Variants in LRRIQ1 observed in about 807,000 individuals in gnomAD.
LRRIQ1 encodes leucine rich repeats and IQ motif containing 1, also known as leucine-rich repeat- and IQ domain-containing protein 1.
In LRRIQ1, 210 loss-of-function variants were observed where a neutral mutation model predicts 211.9. The observed-to-expected ratio is 0.99, with a 90% confidence interval of 0.89 to 1.11. The LOEUF (loss-of-function observed/expected upper bound fraction) is 1.11. Among genes scored for constraint, LRRIQ1 ranks in the 50% most tolerant of loss-of-function variants. The pLI is 0.00. For missense variants in LRRIQ1, 2,136 were observed against 1,939.5 expected (o/e 1.10, Z -1.90); for synonymous variants, 699 against 650.1 (o/e 1.08, Z -1.14).
At chr12:85,042,667 TTTAAAA>T (rs1026172042) in intron 3 of LRRIQ1, among the ~76,000 whole-genome samples, 1 of 151,242 alleles carries the variant, frequency 6.6e-6, no homozygotes, top group African/African-American at 2.4e-5. Context: ...GGGATGATAG[TTTAAAA>T]TTAAATTAAT....
At chr12:85,052,294 A>C in intron 7 of LRRIQ1, 43 bp downstream of exon 7, 1 of 991,638 alleles carries the variant, frequency 1.0e-6, no homozygotes, top group Non-Finnish European at 1.5e-6. Context: ...AGCTTTCTTT[A>C]TTTGAAATAC....
chr12:85,197,931 AATTATATATAT>A (rs1893030994), intron 24 of LRRIQ1, among the ~76,000 whole-genome samples: 1 of 111,650 alleles, frequency 9.0e-6, no homozygotes, highest in African/African-American at 3.4e-5. Flanking sequence ...TATATAATAT[AATTATATATAT>A]TTATATATAA....
chr12:85,222,240 G>T (rs991794815), intron 24 of LRRIQ1, among the ~76,000 whole-genome samples: 1 of 152,092 alleles, frequency 6.6e-6, no homozygotes, highest in Non-Finnish European at 1.5e-5. Context: ...AAATAAAGAT[G>T]GCAATTGAAG....
intron 1 of LRRIQ1, among the ~76,000 whole-genome samples, chr12:85,036,701 C>T (rs1310142498): frequency 4.6e-5 from 7 of 151,686 alleles, no homozygotes; most frequent in Admixed American, 2.0e-4. Context: ...TCCTTCCCTT[C>T]TTGTCGCCCT....
chr12:85,125,187 ATAAAT>A (rs557835050), intron 17 of LRRIQ1, among the ~76,000 whole-genome samples: 6 of 152,300 alleles, frequency 3.9e-5, no homozygotes, highest in African/African-American at 1.2e-4. Flanking sequence ...TCAAAAATAA[ATAAAT>A]AAACAAAATA....
intron 16 of LRRIQ1, among the ~76,000 whole-genome samples, chr12:85,123,207 C>G (rs1888111248): frequency 6.6e-6 from 1 of 151,948 alleles, no homozygotes. Context: ...TAGGAGCTAT[C>G]AAATTGTCTC....
intron 26 of LRRIQ1, among the ~76,000 whole-genome samples, chr12:85,239,480 GAAAAATACCCAC>G (rs1895362218): frequency 6.6e-6 from 1 of 151,320 alleles, no homozygotes; most frequent in Admixed American, 6.6e-5. Context: ...AGGGAGTCCA[GAAAAATACCCAC>G]ACTTGTAAGG....
chr12:85,102,474 A>C (rs934278247), intron 13 of LRRIQ1, among the ~76,000 whole-genome samples: 3 of 151,788 alleles, frequency 2.0e-5, no homozygotes, highest in African/African-American at 7.2e-5. Context: ...ATATGAATGT[A>C]ATATTGTATT....
chr12:85,227,732 G>C (rs1296190725), intron 24 of LRRIQ1, among the ~76,000 whole-genome samples: 2 of 152,032 alleles, frequency 1.3e-5, no homozygotes, highest in East Asian at 3.9e-4. Context: ...TAAGCCAAAA[G>C]AACAAAGCTG....
intron 18 of LRRIQ1, among the ~76,000 whole-genome samples, chr12:85,133,261 C>T (rs966917738): frequency 2.6e-5 from 4 of 151,852 alleles, no homozygotes; most frequent in African/African-American, 7.3e-5. Context: ...TGATAACAAT[C>T]ATAATTTGAG....
chr12:85,172,983 C>A (rs1891492531), intron 24 of LRRIQ1, among the ~76,000 whole-genome samples: 1 of 151,932 alleles, frequency 6.6e-6, no homozygotes, highest in Non-Finnish European at 1.5e-5. Flanking sequence ...GTGGTGCACA[C>A]CTGTAGTCCC....
chr12:85,215,313 T>C (rs11116749), intron 24 of LRRIQ1, among the ~76,000 whole-genome samples: 34,170 of 152,160 alleles, frequency 0.22, 9,124 homozygotes, highest in African/African-American at 0.65. Flanking sequence ...GATATTTGCA[T>C]CATAGGAAGC....
At chr12:85,146,341 C>T (rs1214623980) in intron 19 of LRRIQ1, among the ~76,000 whole-genome samples, 2 of 151,774 alleles carry the variant, frequency 1.3e-5, no homozygotes, top group African/African-American at 2.4e-5. Context: ...AAAATATCCA[C>T]ATCTGTTTCA....
At chr12:85,239,880 G>C in intron 26 of LRRIQ1, among the ~76,000 whole-genome samples, 1 of 151,674 alleles carries the variant, frequency 6.6e-6, no homozygotes. Flanking sequence ...CAGGAGGCTG[G>C]GACACAAGAA....
At chr12:85,059,401 C>T (rs978730371) in intron 8 of LRRIQ1, among the ~76,000 whole-genome samples, 1 of 152,012 alleles carries the variant, frequency 6.6e-6, no homozygotes, top group African/African-American at 2.4e-5. Context: ...TGGGCAAAAT[C>T]ATCTGGCAAC....
chr12:85,126,650 T>C (rs1888387504), intron 17 of LRRIQ1, among the ~76,000 whole-genome samples: 1 of 152,204 alleles, frequency 6.6e-6, no homozygotes, highest in South Asian at 2.1e-4. Context: ...CCATATATTT[T>C]AGCCTTTAAC....
intron 26 of LRRIQ1, among the ~76,000 whole-genome samples, chr12:85,238,004 C>G (rs1161340641): frequency 6.6e-6 from 1 of 151,728 alleles, no homozygotes; most frequent in Non-Finnish European, 1.5e-5. Context: ...GTTATAACAT[C>G]TATTATAAAT....
chr12:85,192,660 A>ATAAAT (rs1892612479), intron 24 of LRRIQ1, among the ~76,000 whole-genome samples: 2 of 55,790 alleles, frequency 3.6e-5, no homozygotes, highest in African/African-American at 2.4e-4. Context: ...TATAATTATA[A>ATAAAT]ATATATAGTT....
At chr12:85,248,345 C>A (rs1895795332), downstream of LRRIQ1, among the ~76,000 whole-genome samples, 1 of 151,584 alleles carries the variant, frequency 6.6e-6, no homozygotes, top group African/African-American at 2.4e-5. Context: ...AGTGATATAT[C>A]ATCTTTAATT....
Sources: gnomAD v4.1 joint callset for allele counts (sites outside exome capture counted in the v4.1 genomes callset) on GRCh38, gnomAD v4.1.1 for gene constraint, MANE v1.5 for transcripts, NCBI Gene and HGNC (gene_info 2026-07-23, HGNC 2026-07-21) for gene names.